XPO1: variants seen among roughly 807,000 people sequenced by gnomAD.
XPO1 encodes the protein exportin-1.
XPO1 carries 5 observed loss-of-function variants against 133.3 expected under a neutral mutation model. The observed-to-expected ratio is 0.04, with a 90% CI of 0.02 to 0.08. XPO1 has a LOEUF of 0.08. Ranked by LOEUF, XPO1 falls within the 10% of genes least tolerant of loss-of-function variation. The probability of loss-of-function intolerance (pLI) is 1.00; values close to 1 mark genes in which losing one functional copy is unlikely to be tolerated. For synonymous variants in XPO1, 419 were observed against 408.2 expected (o/e 1.03, Z -0.32); for missense variants, 506 against 1,267.5 (o/e 0.40, Z 9.12).
chr2:61,533,424 A>G (rs1241166326), intron 2 of XPO1, among the ~76,000 whole-genome samples: 1 of 152,226 alleles, frequency 6.6e-6, no homozygotes, highest in East Asian at 1.9e-4. Context: ...AAACAAACAT[A>G]TCTGTGAAGT....
intron 4 of XPO1, among the ~76,000 whole-genome samples, chr2:61,506,622 G>T (rs1697831429): frequency 9.2e-5 from 9 of 97,664 alleles, no homozygotes; most frequent in South Asian, 3.2e-4. Flanking sequence ...AAAATCCAAT[G>T]TTAAACTGCA....
chr2:61,523,279 A>C (rs905801326), intron 3 of XPO1, among the ~76,000 whole-genome samples: 1 of 152,158 alleles, frequency 6.6e-6, no homozygotes, highest in Non-Finnish European at 1.5e-5. Context: ...TTAAAGATAA[A>C]CTTTTGTGCA....
Position 61,481,299 on chromosome 2 carries a change from AT to A in XPO1, c.2973-19del. The A allele has an allele frequency of 6.4e-7, 1 of 1,564,318 alleles. No individual in the cohort carries two copies. The highest frequency in any genetic ancestry group is 2.3e-5 in the East Asian group (1 of 44,322). On this transcript the variant is annotated intron_variant, in intron 23 of 24. Transcript: ENST00000401558. ...CTTGAGCACTGCAAATCAAAACACA[AT>A]GATTAAATAATGATTTATTTTTCCC...
At chr2:61,479,312 T>C (rs541746757) in intron 24 of XPO1, among the ~76,000 whole-genome samples, 2 of 152,146 alleles carry the variant, frequency 1.3e-5, no homozygotes, top group East Asian at 1.9e-4. Context: ...TAGCCATGCA[T>C]GGTGGCACAG....
At chr2:61,504,926 G>T (rs1697721158) in intron 4 of XPO1, among the ~76,000 whole-genome samples, 2 of 152,184 alleles carry the variant, frequency 1.3e-5, no homozygotes, top group Non-Finnish European at 2.9e-5. Context: ...ACATGTAAGA[G>T]AAATCTAATG....
chr2:61,522,833 T>A, intron 3 of XPO1, 150 bp from the exon 4 acceptor site: 1 of 636,988 alleles, frequency 1.6e-6, no homozygotes. Context: ...TAAACAAGTA[T>A]CTATTCACCC....
chr2:61,489,903 T>C (rs1696888321), intron 17 of XPO1, among the ~76,000 whole-genome samples: 1 of 151,040 alleles, frequency 6.6e-6, no homozygotes, highest in Non-Finnish European at 1.5e-5. Context: ...TATTTTTTTT[T>C]TTTTTTGAGA....
At chr2:61,482,033 C>CTTTTTTTTTTTTTTTTTTGTTTTT (rs1491506588) in intron 23 of XPO1, among the ~76,000 whole-genome samples, 1 of 86,820 alleles carries the variant, frequency 1.2e-5, no homozygotes, top group African/African-American at 3.6e-5. Context: ...CCGTGCGTGG[C>CTTTTTTTTTTTTTTTTTTGTTTTT]CTTTTTTTTT....
At chr2:61,479,117 A>G (rs1696200070) in intron 24 of XPO1, 151 bp from the exon 25 acceptor site, 1 of 846,748 alleles carries the variant, frequency 1.2e-6, no homozygotes, top group African/African-American at 1.7e-5. Flanking sequence ...GTGACACAGT[A>G]TACTACATAG....
intron 17 of XPO1, among the ~76,000 whole-genome samples, chr2:61,489,124 A>G (rs896821713): frequency 6.8e-6 from 1 of 147,996 alleles, no homozygotes; most frequent in African/African-American, 2.5e-5. Flanking sequence ...AGAATTATCC[A>G]TCATAATGGC....
chr2:61,478,189 A>T lies in XPO1; in HGVS notation c.*631T>A. 4.3e-6 allele frequency: 1 copy of T among 233,632 alleles called. No individual in the cohort carries two copies. The highest frequency in any genetic ancestry group is 6.0e-5 in the East Asian group (1 of 16,662). 14.5% of individuals were successfully genotyped at this position (233,632 alleles called of 1,614,324 possible). ...AGCTGTTGTCGACAAGCGACAGCACACACACACAAAAACAAAAAGAACTGT... is the reference window on the plus strand; with the variant it reads ...AGCTGTTGTCGACAAGCGACAGCACTCACACACAAAAACAAAAAGAACTGT... On this transcript the variant is annotated 3_prime_UTR_variant, in exon 25 of 25. Coordinates refer to ENST00000401558, the MANE Select transcript of XPO1 (RefSeq NM_003400.4).
intron 4 of XPO1, among the ~76,000 whole-genome samples, chr2:61,511,646 A>C (rs983371018): frequency 1.3e-5 from 2 of 152,204 alleles, no homozygotes; most frequent in Non-Finnish European, 2.9e-5. Flanking sequence ...TTCTGGGCTC[A>C]AGAGAGCCTC....
At chr2:61,498,994 G>C (rs1697374178) in intron 7 of XPO1, 81 bp from the exon 8 acceptor site, 1 of 1,437,138 alleles carries the variant, frequency 7.0e-7, no homozygotes, top group Non-Finnish European at 9.3e-7. Context: ...TAATAAAAAT[G>C]ATTAAAGCCC....
intron 12 of XPO1, 42 bp from the exon 13 acceptor site, chr2:61,493,095 T>C (rs1346119335): frequency 6.6e-7 from 1 of 1,524,536 alleles, no homozygotes; most frequent in Non-Finnish European, 8.7e-7. Context: ...AATCGTTAGA[T>C]CACTGAAATC....
At chr2:61,498,583 A>G in intron 9 of XPO1, 90 bp downstream of exon 9, 1 of 1,497,694 alleles carries the variant, frequency 6.7e-7, no homozygotes, top group Non-Finnish European at 9.0e-7. Context: ...AAGGTTGAAT[A>G]AGGTTTAGAA....
chr2:61,481,140 TC>T (rs771984826), intron 24 of XPO1, 44 bp downstream of exon 24: 85 of 1,296,174 alleles, frequency 6.6e-5, no homozygotes, highest in Non-Finnish European at 8.4e-5. Context: ...ATAAAAGTGG[TC>T]ACATCTACCC....
At chr2:61,527,332 AAAAAAG>A (rs1698947646) in intron 2 of XPO1, among the ~76,000 whole-genome samples, 1 of 151,298 alleles carries the variant, frequency 6.6e-6, no homozygotes, top group African/African-American at 2.4e-5. Flanking sequence ...AAAAAAAAAA[AAAAAAG>A]AAAGCTGCAC....
At chr2:61,506,002 G>A (rs534268541) in intron 4 of XPO1, among the ~76,000 whole-genome samples, 6 of 152,350 alleles carry the variant, frequency 3.9e-5, no homozygotes, top group African/African-American at 1.4e-4. Context: ...GCCAGGTACA[G>A]TGGCCCTAGA....
chr2:61,486,967 T>TA (rs1696725540), intron 19 of XPO1, among the ~76,000 whole-genome samples: 2 of 151,972 alleles, frequency 1.3e-5, no homozygotes, highest in South Asian at 2.1e-4. Flanking sequence ...GAGTTATACT[T>TA]AAAGAGTAAC....
Sources: gnomAD v4.1 joint callset for allele counts (sites outside exome capture counted in the v4.1 genomes callset) on GRCh38, gnomAD v4.1.1 for gene constraint, MANE v1.5 for transcripts, NCBI Gene and HGNC (gene_info 2026-07-23, HGNC 2026-07-21) for gene names.